Variants in FA2H observed in about 807,000 individuals in gnomAD.
The protein encoded by FA2H is fatty acid 2-hydroxylase, also known as fatty acid alpha-hydroxylase.
Under a neutral mutation model 44.9 loss-of-function variants are expected in FA2H, and 22 were observed. That is an observed-to-expected ratio of 0.49 (90% CI 0.35 to 0.70). FA2H has a LOEUF of 0.70. Ranked by LOEUF, FA2H falls within the 30% of genes least tolerant of loss-of-function variation. The pLI is 0.01. For missense variants in FA2H, 501 were observed against 504.9 expected (o/e 0.99, Z 0.07); for synonymous variants, 243 against 213.2 (o/e 1.14, Z -1.22).
chr16:74,758,191 G>C, intron 1 of FA2H, among the ~76,000 whole-genome samples: 1 of 147,796 alleles, frequency 6.8e-6, no homozygotes, highest in East Asian at 2.0e-4. Flanking sequence ...TGTGATCTTG[G>C]CTCATTGCAA....
At chr16:74,718,077 TG>T (rs568677351) in intron 5 of FA2H, among the ~76,000 whole-genome samples, 134 of 152,174 alleles carry the variant, frequency 8.8e-4, no homozygotes, top group African/African-American at 3.0e-3. Flanking sequence ...AGATCAACTC[TG>T]GGGAGAGCCG....
intron 1 of FA2H, among the ~76,000 whole-genome samples, chr16:74,747,393 A>T (rs985383616): frequency 2.0e-5 from 3 of 152,146 alleles, no homozygotes; most frequent in Admixed American, 1.3e-4. Context: ...GAATCACAGT[A>T]GAGTCTCAGG....
In FA2H at chr16:74,716,728, T is replaced by C. The variant is rs1052695357; in HGVS notation, c.787-129A>G. 5 of 1,099,684 alleles carry C rather than the reference T, an allele frequency of 4.5e-6. No homozygotes were observed. In the African/African-American group the frequency reaches 6.3e-5, roughly 14 times the overall value. The allele number at this position is 1,099,684 out of a possible 1,614,324, so 68.1% of individuals were successfully genotyped here. The stretch of plus-strand genomic sequence containing the variant: ...ATTCCACTGCGTAGGCTTGGCACCT[T>C]TGGTGGCTTTGGGGAGGGCGGGCCA... On this transcript the variant is annotated intron_variant, in intron 5 of 6. Transcript: ENST00000219368.
At chr16:74,718,568 C>T (rs1961759061) in intron 5 of FA2H, among the ~76,000 whole-genome samples, 1 of 152,166 alleles carries the variant, frequency 6.6e-6, no homozygotes, top group African/African-American at 2.4e-5. Flanking sequence ...GCCTCAGTCT[C>T]CTGCTCTGTG....
intron 1 of FA2H, among the ~76,000 whole-genome samples, chr16:74,766,729 G>A (rs1567651423): frequency 6.6e-6 from 1 of 152,124 alleles, no homozygotes; most frequent in Admixed American, 6.5e-5. Flanking sequence ...CTCTGCCTAT[G>A]GATTCTCTAG....
At chr16:74,752,077 A>T (rs1264899349) in intron 1 of FA2H, among the ~76,000 whole-genome samples, 1 of 152,116 alleles carries the variant, frequency 6.6e-6, no homozygotes, top group Non-Finnish European at 1.5e-5. Context: ...CTGACATCCA[A>T]TGCATCAGCA....
intron 1 of FA2H, among the ~76,000 whole-genome samples, chr16:74,740,467 AAAGT>A (rs1962270207): frequency 6.6e-6 from 1 of 151,594 alleles, no homozygotes; most frequent in Non-Finnish European, 1.5e-5. Context: ...AAATACAAAA[AAAGT>A]TTACCAGGCG....
At chr16:74,735,077 C>T (rs1485688071) in intron 2 of FA2H, among the ~76,000 whole-genome samples, 2 of 152,124 alleles carry the variant, frequency 1.3e-5, no homozygotes, top group Non-Finnish European at 2.9e-5. Context: ...GAGTTGGGGC[C>T]GATGATGACC....
At chr16:74,749,019 A>C (rs1326784930) in intron 1 of FA2H, among the ~76,000 whole-genome samples, 1 of 152,116 alleles carries the variant, frequency 6.6e-6, no homozygotes, top group Admixed American at 6.5e-5. Flanking sequence ...GGCAGCTAGG[A>C]AGGGGCAGGC....
intron 1 of FA2H, among the ~76,000 whole-genome samples, chr16:74,752,801 T>C (rs772833184): frequency 6.6e-6 from 1 of 152,180 alleles, no homozygotes; most frequent in Non-Finnish European, 1.5e-5. Flanking sequence ...GGACTGTCCT[T>C]CCCTGACCAG....
chr16:74,739,907 C>T (rs978494712), intron 2 of FA2H, 116 bp downstream of exon 2: 5 of 838,172 alleles, frequency 6.0e-6, no homozygotes, highest in Non-Finnish European at 1.1e-5. Flanking sequence ...TTCTCCTTCC[C>T]CTTCTCCCCT....
In FA2H at chr16:74,769,786, G is replaced by A. The variant is rs541086229; in HGVS notation, c.270+4700C>T. On this transcript the variant is annotated intron_variant, in intron 1 of 6. Transcript: ENST00000219368. ...CTGCAGCTGGCAGAGCACTGCTCTC[G>A]CCTGAGCTTGGGGTGAGGCTCTTGA... Among the ~76,000 whole-genome samples the A allele has an allele frequency of 4.6e-5, 7 of 152,302 alleles. 1 individual carries two copies. The South Asian group carries it at 1.2e-3, about 27-fold the overall frequency.
At chr16:74,740,703 CT>C (rs535636678) in intron 1 of FA2H, among the ~76,000 whole-genome samples, 195 of 151,356 alleles carry the variant, frequency 1.3e-3, no homozygotes, top group Non-Finnish European at 2.1e-3. Context: ...GCAGAAAGAT[CT>C]GGGAGAGGAA....
intron 1 of FA2H, among the ~76,000 whole-genome samples, chr16:74,741,808 A>ATATATATATATGTGTG (rs1491185782): frequency 1.3e-3 from 65 of 48,336 alleles, no homozygotes; most frequent in African/African-American, 1.6e-3. Context: ...ATATATATAT[A>ATATATATATATGTGTG]TGTGTGTGTG....
chr16:74,725,980 T>C, intron 4 of FA2H: 1 of 489,976 alleles, frequency 2.0e-6, no homozygotes, highest in Non-Finnish European at 3.8e-6. Flanking sequence ...TTTTTATTGC[T>C]ATGCCACCCG....
At chr16:74,766,992 C>A (rs1157096525) in intron 1 of FA2H, among the ~76,000 whole-genome samples, 1 of 150,926 alleles carries the variant, frequency 6.6e-6, no homozygotes, top group East Asian at 2.0e-4. Context: ...TGGGTGGTGG[C>A]AACAGAGATG....
At chr16:74,733,622 T>C (rs1452315036) in intron 2 of FA2H, among the ~76,000 whole-genome samples, 2 of 152,202 alleles carry the variant, frequency 1.3e-5, no homozygotes, top group Admixed American at 1.3e-4. Context: ...GTTCCAGGCC[T>C]CTCACTTGCT....
At chr16:74,749,371 C>T (rs1369480714) in intron 1 of FA2H, among the ~76,000 whole-genome samples, 6 of 151,948 alleles carry the variant, frequency 3.9e-5, no homozygotes, top group African/African-American at 1.5e-4. Flanking sequence ...CACCCCTCGC[C>T]CTCCCCGCAG....
rs552735817 is a variant in FA2H at position 74,767,193 on chromosome 16, C to T, written c.270+7293G>A. Among the ~76,000 whole-genome samples the T allele has an allele frequency of 1.2e-3, 175 of 152,170 alleles. 1 individual carries two copies. Among genetic ancestry groups the T allele is most frequent in the African/African-American group, 3.8e-3 (159 of 41,504 alleles). On this transcript the variant is annotated intron_variant, in intron 1 of 6. Coordinates refer to ENST00000219368, the MANE Select transcript of FA2H (RefSeq NM_024306.5). ...GCGTGGTGGTGTGTGCCTGTAATCC[C>T]AGCTACTTGGGAGGCCGAGGCAGGA... is the stretch of plus-strand genomic sequence containing the variant.
Sources: gnomAD v4.1 joint callset for allele counts (sites outside exome capture counted in the v4.1 genomes callset) on GRCh38, gnomAD v4.1.1 for gene constraint, MANE v1.5 for transcripts, NCBI Gene and HGNC (gene_info 2026-07-23, HGNC 2026-07-21) for gene names.